The following RASAL2 variants were observed in gnomAD, a reference collection of about 807,000 sequenced individuals.
RASAL2 encodes ras GTPase-activating protein nGAP.
In RASAL2, 58 loss-of-function variants were observed where a neutral mutation model predicts 128.9. That is an observed-to-expected ratio of 0.45 (90% CI 0.36 to 0.56). The LOEUF is 0.56. Among genes scored for constraint, RASAL2 ranks in the 20% least tolerant of loss-of-function variants. The pLI, the probability that RASAL2 is intolerant of heterozygous loss-of-function variation, is 0.00. For missense variants in RASAL2, 1,360 were observed against 1,601.6 expected, an observed-to-expected ratio of 0.85 and a Z score of 2.57; for synonymous variants, 561 against 580.8, an observed-to-expected ratio of 0.97 and a Z score of 0.49.
At chr1:178,226,286 G>A (rs766696275) in intron 1 of RASAL2, among the ~76,000 whole-genome samples, 6 of 151,946 alleles carry the variant, frequency 3.9e-5, no homozygotes, top group Non-Finnish European at 7.4e-5. Context: ...TTTTTGGGGG[G>A]GCATGTTTCT....
intron 1 of RASAL2, among the ~76,000 whole-genome samples, chr1:178,242,516 C>A (rs888278199): frequency 6.0e-5 from 9 of 149,292 alleles, no homozygotes; most frequent in Non-Finnish European, 1.3e-4. Flanking sequence ...TCTCTCCCCA[C>A]TCCTGGGCTC....
At chr1:178,467,697 C>T (rs1647877530) in intron 17 of RASAL2, among the ~76,000 whole-genome samples, 1 of 152,176 alleles carries the variant, frequency 6.6e-6, no homozygotes, top group African/African-American at 2.4e-5. Flanking sequence ...TGCTTCTTTC[C>T]CTATGGAAAG....
intron 3 of RASAL2, among the ~76,000 whole-genome samples, chr1:178,300,385 G>A (rs1667714813): frequency 6.6e-6 from 1 of 152,156 alleles, no homozygotes; most frequent in African/African-American, 2.4e-5. Context: ...GTTGCTTCTG[G>A]GTTTATTGCT....
chr1:178,181,276 C>T (rs1662098520), intron 1 of RASAL2, among the ~76,000 whole-genome samples: 1 of 152,006 alleles, frequency 6.6e-6, no homozygotes, highest in African/African-American at 2.4e-5. Context: ...CTTATATTAA[C>T]ATCCTTATTA....
At chr1:178,456,925 A>C (rs41302551) in intron 13 of RASAL2, 26 bp downstream of exon 13, 1 of 1,594,030 alleles carries the variant, frequency 6.3e-7, no homozygotes, top group Non-Finnish European at 8.6e-7. Flanking sequence ...TTTGACCACT[A>C]TCTCGGAGAA....
At chr1:178,260,373 T>A (rs865837954) in intron 1 of RASAL2, among the ~76,000 whole-genome samples, 1,102 of 3,290 alleles carry the variant, frequency 0.33, 301 homozygotes, top group African/African-American at 0.47. Context: ...AATATATATA[T>A]ATATATATAT....
Position 178,396,079 on chromosome 1 carries a change from G to A in RASAL2, c.564+5873G>A, listed in dbSNP as rs115569518. ...ACAACTCCTTAAGGGAACAGGGTGA[G>A]AACTGGCAAATACCTGGAGGAAAAG... On this transcript the variant is annotated intron_variant, in intron 4 of 17. Transcript: ENST00000367649. 2.0e-3 allele frequency among the ~76,000 whole-genome samples: 311 copies of A among 152,094 alleles called. 1 individual carries two copies. The highest frequency in any genetic ancestry group is 3.8e-3 in the Non-Finnish European group (261 of 67,976).
chr1:178,329,938 G>C (rs1202360166), intron 3 of RASAL2, among the ~76,000 whole-genome samples: 4 of 152,146 alleles, frequency 2.6e-5, no homozygotes, highest in Non-Finnish European at 5.9e-5. Context: ...CTGACTGAGT[G>C]AGCATCCAGT....
intron 1 of RASAL2, among the ~76,000 whole-genome samples, chr1:178,235,445 A>G (rs1032721225): frequency 1.3e-5 from 2 of 152,208 alleles, no homozygotes; most frequent in Admixed American, 1.3e-4. Context: ...AAATGTAATA[A>G]TATGTATATG....
At chr1:178,216,726 GCCTC>G (rs1663433977) in intron 1 of RASAL2, among the ~76,000 whole-genome samples, 1 of 151,522 alleles carries the variant, frequency 6.6e-6, no homozygotes, top group Admixed American at 6.6e-5. Context: ...TGCAGCCTCT[GCCTC>G]CTGGGTCCAA....
At chr1:178,432,150 TA>T (rs1675957245) in intron 5 of RASAL2, among the ~76,000 whole-genome samples, 1 of 151,946 alleles carries the variant, frequency 6.6e-6, no homozygotes, top group African/African-American at 2.4e-5. Context: ...TTAATTTTTT[TA>T]AAAAACCTGT....
At chr1:178,341,542 T>G in intron 3 of RASAL2, 1 of 1,613,008 alleles carries the variant, frequency 6.2e-7, no homozygotes, top group Non-Finnish European at 8.5e-7. Flanking sequence ...GTGTTTTGAG[T>G]TTCTGACTGG....
chr1:178,357,346 A>G (rs1430869232), intron 3 of RASAL2, among the ~76,000 whole-genome samples: 7 of 145,584 alleles, frequency 4.8e-5, no homozygotes, highest in Non-Finnish European at 1.1e-4. Context: ...TAGTTGTTTC[A>G]GTGCTTTTTT....
intron 4 of RASAL2, among the ~76,000 whole-genome samples, chr1:178,408,612 G>GTTTTTTTTTTTTTTTTTTTTTTTTTTT (rs756656921): frequency 3.5e-5 from 5 of 142,480 alleles, no homozygotes; most frequent in African/African-American, 1.4e-4. Context: ...GTTTTTTTTT[G>GTTTTTTTTTTTTTTTTTTTTTTTTTTT]TTTTTTGTTT....
In RASAL2 at chr1:178,295,363, T is replaced by C. The variant is rs1335166078; in HGVS notation, c.331-4629T>C. Among the ~76,000 whole-genome samples the C allele has an allele frequency of 2.6e-5, 4 of 151,926 alleles. No homozygotes were observed. The East Asian group carries it at 5.8e-4, about 22-fold the overall frequency. On this transcript the variant is annotated intron_variant, in intron 2 of 17. Coordinates refer to ENST00000367649, the MANE Select transcript of RASAL2 (RefSeq NM_170692.4). ...ATTGACCTGTCCTCTAAGTTCCCTC[T>C]CCTCACCCCTCACCCCCCAGCAGGC...
At chr1:178,450,230 T>C (rs1177640398) in intron 9 of RASAL2, among the ~76,000 whole-genome samples, 1 of 152,130 alleles carries the variant, frequency 6.6e-6, no homozygotes, top group East Asian at 1.9e-4. Flanking sequence ...AGGTACCATA[T>C]TAGATGCTTT....
At chr1:178,154,434 C>T (rs1661014966) in intron 1 of RASAL2, among the ~76,000 whole-genome samples, 3 of 152,112 alleles carry the variant, frequency 2.0e-5, no homozygotes, top group Non-Finnish European at 4.4e-5. Context: ...CAGCAGTGGG[C>T]CACACTGCCT....
intron 3 of RASAL2, among the ~76,000 whole-genome samples, chr1:178,323,624 C>T (rs777816982): frequency 2.6e-5 from 4 of 151,996 alleles, no homozygotes; most frequent in East Asian, 1.9e-4. Context: ...GTCTGAACTC[C>T]GTGCTGTTGG....
chr1:178,180,751 TCTCAGC>T (rs1662078557), intron 1 of RASAL2, among the ~76,000 whole-genome samples: 2 of 149,868 alleles, frequency 1.3e-5, no homozygotes, highest in African/African-American at 2.4e-5. Flanking sequence ...TTAATTAGCC[TCTCAGC>T]TAGTAGTATC....
Sources: gnomAD v4.1 joint callset for allele counts (sites outside exome capture counted in the v4.1 genomes callset) on GRCh38, gnomAD v4.1.1 for gene constraint, MANE v1.5 for transcripts, NCBI Gene and HGNC (gene_info 2026-07-23, HGNC 2026-07-21) for gene names.